PCID2: variants seen among roughly 807,000 people sequenced by gnomAD.
PCID2 encodes the protein PCI domain-containing protein 2.
In PCID2, 41 loss-of-function variants were observed where a neutral mutation model predicts 61.3. The ratio of observed to expected loss-of-function variants is 0.67; its 90% CI spans 0.52 to 0.87. The LOEUF (loss-of-function observed/expected upper bound fraction) is 0.87. Among genes scored for constraint, PCID2 ranks in the 40% least tolerant of loss-of-function variants. PCID2 has a pLI of 0.00. For synonymous variants in PCID2, 187 were observed against 177.8 expected, an observed-to-expected ratio of 1.05 and a Z score of -0.41; for missense variants, 392 against 493.4, an observed-to-expected ratio of 0.79 and a Z score of 1.95.
intron 4 of PCID2, 70 bp from the exon 5 acceptor site, chr13:113,196,292 G>T: frequency 8.1e-7 from 1 of 1,227,824 alleles, no homozygotes; most frequent in Non-Finnish European, 1.2e-6. Flanking sequence ...TAAAGAATAA[G>T]AATCTAAATT....
At chr13:113,183,585 T>A (rs1242224679) in intron 9 of PCID2, 1 of 167,826 alleles carries the variant, frequency 6.0e-6, no homozygotes, top group African/African-American at 2.4e-5. Context: ...AGCCAGAGCG[T>A]CCTTATGAAA....
chr13:113,198,187 T>C lies in PCID2; in HGVS notation c.200+4A>G. The C allele has an allele frequency of 6.3e-7, 1 of 1,590,838 alleles. No individual in the cohort carries two copies. The highest frequency in any genetic ancestry group is 8.6e-7 in the Non-Finnish European group (1 of 1,166,900). Reference sequence around the variant, plus strand: ...TGTGTTTTTCTTCCTCCCCAACAGATTACCTTAAATGAGCTGCAAACATTT... The same window carrying C: ...TGTGTTTTTCTTCCTCCCCAACAGACTACCTTAAATGAGCTGCAAACATTT... On this transcript the variant is annotated splice_donor_region_variant and intron_variant, in intron 3 of 13. Coordinates refer to ENST00000337344, the MANE Select transcript of PCID2 (RefSeq NM_001127202.4).
intron 7 of PCID2, chr13:113,187,481 C>T (rs1390622959): frequency 6.6e-6 from 1 of 152,198 alleles, no homozygotes; most frequent in Non-Finnish European, 1.5e-5. Context: ...TCACTGGCGC[C>T]GCCCGTCTTT....
At chr13:113,200,698 T>A in intron 1 of PCID2, 182 bp from the exon 2 acceptor site, 3 of 194,056 alleles carry the variant, frequency 1.5e-5, no homozygotes, top group Non-Finnish European at 3.0e-5. Flanking sequence ...AATAATTTCT[T>A]TTTTTTTTTT....
chr13:113,168,984 C>A, the PCID2 span, among the ~76,000 whole-genome samples: 4 of 152,318 alleles, frequency 2.6e-5, no homozygotes, highest in Admixed American at 1.3e-4. Context: ...CCACCTCAGC[C>A]TCCCAAAGTG....
At chr13:113,204,486 C>T (rs1182567075) in intron 1 of PCID2, among the ~76,000 whole-genome samples, 1 of 152,220 alleles carries the variant, frequency 6.6e-6, no homozygotes, top group Non-Finnish European at 1.5e-5. Context: ...ACTGGTAGCC[C>T]TCCTTTGCCT....
At chr13:113,176,705 G>T (rs2037197137), downstream of PCID2, among the ~76,000 whole-genome samples, 1 of 152,134 alleles carries the variant, frequency 6.6e-6, no homozygotes, top group South Asian at 2.1e-4. Context: ...CGAGGCTGCA[G>T]TAAGCACTGA....
At position 113,179,912 on chromosome 13, in the gene PCID2, C is replaced by T; in HGVS notation, c.986+5G>A. The T allele has an allele frequency of 6.2e-7, 1 of 1,611,352 alleles. No homozygotes were observed. Among genetic ancestry groups the T allele is most frequent in the Non-Finnish European group, 8.5e-7 (1 of 1,178,718 alleles). ...GGGAGCCCAATGTGCCGGGGAAATGCTTACACTTTCTTAAAGAGGTTCCTG... is the reference window on the plus strand; with the variant it reads ...GGGAGCCCAATGTGCCGGGGAAATGTTTACACTTTCTTAAAGAGGTTCCTG... On this transcript the variant is annotated splice_donor_5th_base_variant and intron_variant, in intron 12 of 13. Coordinates refer to ENST00000337344, the MANE Select transcript of PCID2 (RefSeq NM_001127202.4). This position sits in a 1 kb window ranked among gnomAD's most constrained non-coding sequence, Gnocchi z 4.3.
At chr13:113,176,514 C>A, downstream of PCID2, among the ~76,000 whole-genome samples, 1 of 152,408 alleles carries the variant, frequency 6.6e-6, no homozygotes. Flanking sequence ...GTCACCCCAG[C>A]ACTTTGGGAG....
chr13:113,173,886 T>A (rs560659151), downstream of PCID2, among the ~76,000 whole-genome samples: 33 of 152,320 alleles, frequency 2.2e-4, no homozygotes, highest in South Asian at 3.3e-3. Context: ...ATCTTGCTTC[T>A]GGTACTTCTA....
chr13:113,176,798 ATC>A (rs1376820788), downstream of PCID2, among the ~76,000 whole-genome samples: 1 of 152,168 alleles, frequency 6.6e-6, no homozygotes, highest in Non-Finnish European at 1.5e-5. Context: ...TATCTGTACC[ATC>A]TCTAGCACAG....
chr13:113,207,579 T>C (rs1167562129), intron 1 of PCID2, among the ~76,000 whole-genome samples: 4 of 152,220 alleles, frequency 2.6e-5, no homozygotes, highest in Non-Finnish European at 4.4e-5. Context: ...AGTGAATGTA[T>C]ACTTTCATGT....
the PCID2 span, chr13:113,171,449 A>C: frequency 1.1e-6 from 1 of 918,486 alleles, no homozygotes; most frequent in Admixed American, 2.4e-5. This position sits in a 1 kb window ranked among gnomAD's most constrained non-coding sequence, Gnocchi z 5.1. Context: ...AGAAAGGCAC[A>C]GTGTCCACAC....
At chr13:113,194,957 C>T (rs1051000496) in intron 6 of PCID2, 114 bp downstream of exon 6, 7 of 759,314 alleles carry the variant, frequency 9.2e-6, no homozygotes, top group South Asian at 4.4e-5. Context: ...ATACCAGACA[C>T]ATCTCAACTC....
At chr13:113,196,971 C>CTGG in intron 4 of PCID2, 1 of 1,331,662 alleles carries the variant, frequency 7.5e-7, no homozygotes, top group South Asian at 1.2e-5. Flanking sequence ...AGTGTTCTTC[C>CTGG]TTACTAAGTA....
chr13:113,191,044 C>G, intron 6 of PCID2, 69 bp from the exon 7 acceptor site: 1 of 1,084,814 alleles, frequency 9.2e-7, no homozygotes, highest in Non-Finnish European at 1.4e-6. Flanking sequence ...CCAGGCTGGA[C>G]TGCAGTGGCA....
rs1463114336 is a variant in PCID2, at chr13:113,179,841, A to G, written c.986+76T>C. Reference sequence around the variant, plus strand: ...CCCACACGGTGGCCTTCTCTCTTAGACTGCAACAGCCCTGGATGTCTGACT... The same window carrying G: ...CCCACACGGTGGCCTTCTCTCTTAGGCTGCAACAGCCCTGGATGTCTGACT... On this transcript the variant is annotated intron_variant, in intron 12 of 13. Transcript: ENST00000337344. The surrounding 1 kb of genome is among the most constrained non-coding windows in gnomAD (Gnocchi z 4.3). The G allele has an allele frequency of 6.8e-6, 10 of 1,473,604 alleles. No homozygotes were observed. Among genetic ancestry groups the G allele is most frequent in the Non-Finnish European group, 9.3e-6 (10 of 1,079,068 alleles). 91.3% of individuals were successfully genotyped at this position (1,473,604 alleles called of 1,614,324 possible). A position where few individuals can be genotyped will look rare whatever the true frequency, so the allele number is the denominator to read the frequency against.
Position 113,180,018 on chromosome 13 carries a change from G to T in PCID2, c.885C>A (p.His295Gln), listed in dbSNP as rs774441473. 3 of 1,614,106 alleles carry T rather than the reference G, an allele frequency of 1.9e-6. No individual in the cohort carries two copies. Among genetic ancestry groups the T allele is most frequent in the Non-Finnish European group, 2.5e-6 (3 of 1,179,998 alleles). The change falls in exon 12 of 14, where the codon CAC becomes CAA. Residue 295 changes from histidine (H) to glutamine (Q), a missense_variant. His to Gln is a conservative substitution (Grantham distance 24). Around this residue, in one of 3 missense-constraint regions of PCID2, gnomAD observed 226 missense variants for 296.5 expected, o/e 0.76. Transcript: ENST00000337344. ...AGGCCTCGTGCTTCGCCAGCGCCTC[G>T]TGCAGCAGCAGCAGGTTGCCCTCGC... ...AVSEGNLLLL[H>Q]EALAKHEAFF...
chr13:113,179,058 G>T lies in PCID2; in HGVS notation c.1018C>A (p.Leu340Met). 1 of 1,613,940 alleles carries T rather than the reference G, an allele frequency of 6.2e-7. No homozygotes were observed. The highest frequency in any genetic ancestry group is 8.5e-7 in the Non-Finnish European group (1 of 1,179,866). ...TTCAAGGCAACCAGAAAAGCATCCA[G>T]AGACAGCTGGTGTGTTTTCAGTAAC... ...YLLLKTHQLS[L>M]DAFLVALKFM... Residue 340 changes from leucine to methionine, a missense_variant, in exon 13 of 14, where the codon CTG becomes ATG. This residue lies in a region of PCID2 where 226 missense variants were observed against 296.5 expected (regional missense o/e 0.76). Coordinates refer to ENST00000337344, the MANE Select transcript of PCID2 (RefSeq NM_001127202.4). This position sits in a 1 kb window ranked among gnomAD's most constrained non-coding sequence, Gnocchi z 4.3.
Sources: gnomAD v4.1 joint callset for allele counts (sites outside exome capture counted in the v4.1 genomes callset) on GRCh38, gnomAD v4.1.1 for gene constraint, gnomAD v4.1.1 regional missense constraint, Gnocchi (gnomAD v3.1) non-coding constraint, MANE v1.5 for transcripts, NCBI Gene and HGNC (gene_info 2026-07-23, HGNC 2026-07-21) for gene names.